Variants in HYCC2 observed in about 807,000 individuals in gnomAD.
The protein encoded by HYCC2 is hyccin PI4KA lipid kinase complex subunit 2.
the HYCC2 span, chr2:201,063,828 T>A: frequency 6.3e-7 from 1 of 1,591,268 alleles, no homozygotes; most frequent in Admixed American, 1.7e-5. Flanking sequence ...TATAATGGAT[T>A]TGGTAATGAT....
At chr2:201,018,262 T>C in the HYCC2 span, among the ~76,000 whole-genome samples, 1 of 152,098 alleles carries the variant, frequency 6.6e-6, no homozygotes, top group Non-Finnish European at 1.5e-5. Flanking sequence ...GGAGTAACCG[T>C]AGGCTGCAGA....
chr2:201,062,181 A>G, the HYCC2 span, among the ~76,000 whole-genome samples: 1 of 152,206 alleles, frequency 6.6e-6, no homozygotes, highest in South Asian at 2.1e-4. Flanking sequence ...TATCTTTAAT[A>G]AAAGATCAAC....
chr2:200,974,041 G>C, the HYCC2 span: 10 of 151,862 alleles, frequency 6.6e-5, no homozygotes, highest in African/African-American at 2.4e-4. Context: ...TTAAATTCAC[G>C]GTTTTTTCTT....
the HYCC2 span, among the ~76,000 whole-genome samples, chr2:201,023,118 G>A: frequency 9.1e-4 from 139 of 152,288 alleles, no homozygotes; most frequent in African/African-American, 3.3e-3. Flanking sequence ...GGAGGTCAAG[G>A]CAAGCGTATC....
the HYCC2 span, among the ~76,000 whole-genome samples, chr2:201,000,854 C>T: frequency 6.6e-6 from 1 of 151,992 alleles, no homozygotes; most frequent in Non-Finnish European, 1.5e-5. Context: ...GCCTTTGCAG[C>T]TGGGCAAGGT....
the HYCC2 span, chr2:201,063,676 A>C: frequency 2.2e-4 from 346 of 1,576,998 alleles, 2 homozygotes; most frequent in South Asian, 1.0e-3. Flanking sequence ...AAAGAGGTCG[A>C]AGTGGTTCTG....
At chr2:200,999,384 TC>T in the HYCC2 span, among the ~76,000 whole-genome samples, 3 of 150,720 alleles carry the variant, frequency 2.0e-5, no homozygotes, top group Non-Finnish European at 4.4e-5. Flanking sequence ...TTATTCCCTC[TC>T]CCCACTTTTT....
At chr2:201,038,022 C>T in the HYCC2 span, among the ~76,000 whole-genome samples, 1 of 152,104 alleles carries the variant, frequency 6.6e-6, no homozygotes, top group Non-Finnish European at 1.5e-5. Flanking sequence ...CCAGAATCTA[C>T]AATGAACTCA....
At chr2:201,005,282 G>T in the HYCC2 span, among the ~76,000 whole-genome samples, 1 of 152,060 alleles carries the variant, frequency 6.6e-6, no homozygotes, top group Non-Finnish European at 1.5e-5. Context: ...TGTTTTTCTG[G>T]GGGGGTTTGG....
chr2:201,030,609 C>T, the HYCC2 span, among the ~76,000 whole-genome samples: 1 of 147,446 alleles, frequency 6.8e-6, no homozygotes, highest in African/African-American at 2.5e-5. Context: ...GTTGGAGTCT[C>T]ACCCTATCGC....
At chr2:201,021,047 G>A in the HYCC2 span, among the ~76,000 whole-genome samples, 2 of 152,132 alleles carry the variant, frequency 1.3e-5, no homozygotes, top group Non-Finnish European at 2.9e-5. Flanking sequence ...GATTACAGGC[G>A]TGAGACACTG....
At chr2:201,045,250 A>C in the HYCC2 span, among the ~76,000 whole-genome samples, 4 of 152,238 alleles carry the variant, frequency 2.6e-5, no homozygotes, top group Admixed American at 2.6e-4. Flanking sequence ...GGATAATGCA[A>C]TTATGCTGAG....
the HYCC2 span, chr2:200,992,294 G>GA: frequency 1.2e-6 from 2 of 1,606,626 alleles, no homozygotes; most frequent in Non-Finnish European, 1.7e-6. Flanking sequence ...TAGTGGTTGA[G>GA]AAAAAAGCTC....
At chr2:200,984,975 T>C in the HYCC2 span, among the ~76,000 whole-genome samples, 2 of 152,218 alleles carry the variant, frequency 1.3e-5, no homozygotes, top group East Asian at 3.9e-4. Context: ...TAACTGGGCA[T>C]GGTGACATGC....
the HYCC2 span, among the ~76,000 whole-genome samples, chr2:201,032,781 T>G: frequency 6.6e-6 from 1 of 152,110 alleles, no homozygotes; most frequent in Non-Finnish European, 1.5e-5. Flanking sequence ...CTCAGCCTCC[T>G]GAGTAGCTGA....
the HYCC2 span, among the ~76,000 whole-genome samples, chr2:201,047,130 C>A: frequency 6.6e-6 from 1 of 152,040 alleles, no homozygotes; most frequent in Non-Finnish European, 1.5e-5. Context: ...AATAAGCACT[C>A]TAGAACCGAA....
At chr2:201,033,149 ATGTGTGTGTATGTG>A in the HYCC2 span, among the ~76,000 whole-genome samples, 13 of 114,854 alleles carry the variant, frequency 1.1e-4, no homozygotes, top group African/African-American at 1.7e-4. Flanking sequence ...AGCTATTTGT[ATGTGTGTGTATGTG>A]TGTGTGTGTG....
At chr2:200,985,389 G>A in the HYCC2 span, among the ~76,000 whole-genome samples, 46 of 152,116 alleles carry the variant, frequency 3.0e-4, no homozygotes, top group African/African-American at 1.1e-3. Context: ...GGCCAGGGGC[G>A]GTGGCTCATG....
chr2:201,054,827 A>AT, the HYCC2 span, among the ~76,000 whole-genome samples: 181 of 152,270 alleles, frequency 1.2e-3, no homozygotes, highest in Middle Eastern at 0.014. Flanking sequence ...AACATGTCGA[A>AT]TTTTTTTAAT....
Sources: allele counts gnomAD v4.1 joint callset (sites outside exome capture counted in the v4.1 genomes callset), GRCh38; gene constraint gnomAD v4.1.1; transcripts MANE v1.5; gene names NCBI Gene and HGNC (gene_info 2026-07-23, HGNC 2026-07-21).